Variants in HFM1 observed in about 807,000 individuals in gnomAD.
HFM1 encodes the protein helicase for meiosis 1.
In HFM1, 169 loss-of-function variants were observed where a neutral mutation model predicts 192.1. That is an observed-to-expected ratio of 0.88 (90% CI 0.78 to 1.00). HFM1 has a LOEUF of 1.00. Among genes scored for constraint, HFM1 ranks in the 50% least tolerant of loss-of-function variants. The pLI, the probability that HFM1 is intolerant of heterozygous loss-of-function variation, is 0.00. For missense variants in HFM1, 1,661 were observed against 1,668.0 expected (o/e 1.00, Z 0.07); for synonymous variants, 525 against 537.8 (o/e 0.98, Z 0.33).
intron 4 of HFM1, among the ~76,000 whole-genome samples, chr1:91,391,002 T>C (rs1387933887): frequency 2.0e-5 from 3 of 152,148 alleles, no homozygotes; most frequent in East Asian, 1.9e-4. Context: ...CCATTCACAA[T>C]TGCTACAAAG....
At chr1:91,277,676 C>CTATATATAATATATACTAA (rs1666995281) in intron 30 of HFM1, among the ~76,000 whole-genome samples, 1 of 125,290 alleles carries the variant, frequency 8.0e-6, no homozygotes, top group East Asian at 2.1e-4. Flanking sequence ...AATATATACA[C>CTATATATAATATATACTAA]TATATATAAT....
intron 30 of HFM1, among the ~76,000 whole-genome samples, chr1:91,300,119 A>T (rs1236511617): frequency 6.6e-6 from 1 of 152,090 alleles, no homozygotes; most frequent in Non-Finnish European, 1.5e-5. Context: ...CCGATCCCAC[A>T]GAAATACAAA....
At chr1:91,370,664 C>T (rs1660059453) in intron 13 of HFM1, among the ~76,000 whole-genome samples, 1 of 152,060 alleles carries the variant, frequency 6.6e-6, no homozygotes, top group Non-Finnish European at 1.5e-5. Context: ...GGAAGCATTC[C>T]CTTTGAAAAC....
At chr1:91,278,217 G>A (rs1183544933) in intron 30 of HFM1, among the ~76,000 whole-genome samples, 1 of 151,710 alleles carries the variant, frequency 6.6e-6, no homozygotes, top group Non-Finnish European at 1.5e-5. Flanking sequence ...TAAGAAATTA[G>A]CTATATGAAT....
chr1:91,339,061 C>T, intron 20 of HFM1: 1 of 454,840 alleles, frequency 2.2e-6, no homozygotes, highest in South Asian at 1.6e-5. Context: ...CTAAACCCAA[C>T]TTATGCCACA....
At chr1:91,299,790 T>C (rs1485319490) in intron 30 of HFM1, among the ~76,000 whole-genome samples, 1 of 152,114 alleles carries the variant, frequency 6.6e-6, no homozygotes, top group Admixed American at 6.6e-5. Flanking sequence ...AAGCAGTGTG[T>C]AGAGGGAAAT....
chr1:91,375,192 C>T (rs983392964), intron 13 of HFM1, among the ~76,000 whole-genome samples, 166 bp downstream of exon 13: 12 of 152,036 alleles, frequency 7.9e-5, no homozygotes, highest in Admixed American at 2.0e-4. Context: ...CACCCCTGTA[C>T]GAAGATTCAC....
intron 13 of HFM1, among the ~76,000 whole-genome samples, chr1:91,368,388 C>G (rs1413902015): frequency 1.3e-5 from 2 of 152,224 alleles, no homozygotes; most frequent in Non-Finnish European, 2.9e-5. Context: ...AACAGACTAA[C>G]AGCTGATCTC....
intron 30 of HFM1, among the ~76,000 whole-genome samples, chr1:91,282,844 A>G (rs1667585113): frequency 6.6e-6 from 1 of 152,174 alleles, no homozygotes; most frequent in South Asian, 2.1e-4. Context: ...CTTAAATACT[A>G]AAGAACTTCT....
At chr1:91,342,645 C>G (rs1191472926) in intron 20 of HFM1, among the ~76,000 whole-genome samples, 1 of 152,148 alleles carries the variant, frequency 6.6e-6, no homozygotes, top group African/African-American at 2.4e-5. Context: ...CCCCATGTCA[C>G]ATAAAACATA....
intron 30 of HFM1, among the ~76,000 whole-genome samples, chr1:91,294,721 T>C (rs889252258): frequency 2.6e-5 from 4 of 152,214 alleles, no homozygotes; most frequent in African/African-American, 9.6e-5. Flanking sequence ...TGGGTCAATA[T>C]ACCACAATTT....
chr1:91,276,656 G>A lies in HFM1; in HGVS notation c.3560C>T (p.Ser1187Leu). Reference protein sequence around the residue: ...LSDLRNRNAVSSVPPVKRLKI... With the variant: ...LSDLRNRNAVLSVPPVKRLKI... ...CAGACGTTTAACTGGAGGAACAGAT[G>A]AAACAGCATTCCTGTTTCTTAAATC... Residue 1187 changes from serine (S) to leucine (L), a missense_variant, in exon 32 of 39, where the codon TCA becomes TTA. Coordinates refer to ENST00000370425, the MANE Select transcript of HFM1 (RefSeq NM_001017975.6). 6.4e-7 allele frequency: 1 copy of A among 1,560,726 alleles called. No individual in the cohort carries two copies. The highest frequency in any genetic ancestry group is 8.7e-7 in the Non-Finnish European group (1 of 1,154,938).
rs200987612 is a variant in HFM1, at chr1:91,378,069, T to C, written c.1351A>G (p.Met451Val). The C allele has an allele frequency of 4.9e-5, 79 of 1,612,110 alleles. No individual in the cohort carries two copies. In the Middle Eastern group the frequency reaches 8.3e-4, roughly 17 times the overall value. Reference protein sequence around the residue: ...TLKNTSTAIPMRFVAVSATIP... With the variant: ...TLKNTSTAIPVRFVAVSATIP... The stretch of plus-strand genomic sequence containing the variant: ...GTTGCAGATACAGCTACAAATCGCA[T>C]TGGAATAGCAGTGCTGGTATTTTTT... The change falls in exon 11 of 39, where the codon ATG (methionine) becomes GTG (valine). Residue 451 changes from methionine (M) to valine (V), a missense_variant. Coordinates refer to ENST00000370425, the MANE Select transcript of HFM1 (RefSeq NM_001017975.6).
intron 4 of HFM1, among the ~76,000 whole-genome samples, chr1:91,391,363 T>C (rs1297730476): frequency 6.6e-6 from 1 of 152,160 alleles, no homozygotes; most frequent in East Asian, 1.9e-4. Context: ...ACTACAAGGC[T>C]ACAGTAACCA....
chr1:91,322,841 T>C (rs1652333621), intron 23 of HFM1, 109 bp downstream of exon 23: 2 of 514,016 alleles, frequency 3.9e-6, no homozygotes, highest in Non-Finnish European at 6.6e-6. Context: ...TAATTTCACA[T>C]CCACATTCTG....
intron 20 of HFM1, among the ~76,000 whole-genome samples, chr1:91,342,239 A>T (rs1035072744): frequency 1.3e-5 from 2 of 152,082 alleles, no homozygotes; most frequent in Admixed American, 1.3e-4. Context: ...CAAAAAGCTA[A>T]TCCACCGTGA....
In HFM1 at chr1:91,265,869, T is replaced by A. The variant is rs1822056; in HGVS notation, c.3974+148A>T. The stretch of plus-strand genomic sequence containing the variant: ...TGCAGGTGGTTTCACAACAGCACTT[T>A]GAGAAATACACCTCTAAGATTAAGA... On this transcript the variant is annotated intron_variant, in intron 36 of 38. Transcript: ENST00000370425. The A allele has an allele frequency of 1.4e-5, 15 of 1,068,668 alleles. 1 individual carries two copies. The South Asian group carries it at 2.8e-4, about 20-fold the overall frequency. 66.2% of individuals were successfully genotyped at this position (1,068,668 alleles called of 1,614,324 possible). A position where few individuals can be genotyped will look rare whatever the true frequency, so the allele number is the denominator to read the frequency against.
chr1:91,350,616 T>C (rs1656801498), intron 18 of HFM1, 122 bp downstream of exon 18: 3 of 820,938 alleles, frequency 3.7e-6, no homozygotes, highest in Non-Finnish European at 5.6e-6. Flanking sequence ...TTGGGACTGT[T>C]GTTACCTTTT....
At chr1:91,371,330 G>A (rs1260230599) in intron 13 of HFM1, among the ~76,000 whole-genome samples, 1 of 132,980 alleles carries the variant, frequency 7.5e-6, no homozygotes. Flanking sequence ...CACACTACCT[G>A]ACTTCAAACT....
Sources: allele counts gnomAD v4.1 joint callset (sites outside exome capture counted in the v4.1 genomes callset), GRCh38; gene constraint gnomAD v4.1.1; transcripts MANE v1.5; gene names NCBI Gene and HGNC (gene_info 2026-07-23, HGNC 2026-07-21).